Variants in PLS3 observed in about 807,000 individuals in gnomAD.
The protein encoded by PLS3 is plastin-3.
In PLS3, 11 loss-of-function variants were observed where a neutral mutation model predicts 46.5. The ratio of observed to expected loss-of-function variants is 0.24; its 90% confidence interval spans 0.15 to 0.39. The LOEUF is 0.39. PLS3 is among the 10% of genes least tolerant of loss of function. PLS3 has a pLI of 1.00. For missense variants in PLS3, 308 were observed against 461.8 expected, an observed-to-expected ratio of 0.67 and a Z score of 3.05; for synonymous variants, 167 against 162.2, an observed-to-expected ratio of 1.03 and a Z score of -0.22.
Position 115,610,305 on chromosome X carries a change from G to C in PLS3, c.55G>C (p.Glu19Gln), listed in dbSNP as rs1556635945. The C allele has an allele frequency of 4.4e-6, 5 of 1,144,867 alleles. No individual in the cohort carries two copies. The East Asian group carries it at 1.5e-4, about 35-fold the overall frequency. 94.3% of individuals were successfully genotyped at this position (1,144,867 alleles called of 1,213,427 possible). ...ISKDELDELK[E>Q]AFAKVDLNSN... is the part of the protein sequence containing the mutation. The stretch of plus-strand genomic sequence containing the variant: ...CAAAGATGAGCTTGATGAACTCAAA[G>C]AGGCCTTTGCAAAAGTTGGTGAGTA... Residue 19 changes from glutamate (E) to glutamine (Q), a missense_variant, in exon 2 of 16, where the codon GAG becomes CAG. By Grantham distance (29) the Glu-to-Gln change is conservative. Around this residue, in one of 2 missense-constraint regions of PLS3, gnomAD observed 37 missense variants for 26.1 expected, o/e 1.42. Transcript: ENST00000355899.
At chrX:115,620,236 G>A (rs2074635412) in intron 2 of PLS3, among the ~76,000 whole-genome samples, 1 of 110,175 alleles carries the variant, frequency 9.1e-6, no homozygotes, top group Non-Finnish European at 1.9e-5. Context: ...TTTCCCCCTT[G>A]TTCACTCTAC....
At chrX:115,619,850 G>A (rs960914054) in intron 2 of PLS3, among the ~76,000 whole-genome samples, 1 of 112,059 alleles carries the variant, frequency 8.9e-6, no homozygotes, top group Non-Finnish European at 1.9e-5. Flanking sequence ...GCTTGGGCAA[G>A]AGAGACCCTG....
At chrX:115,628,485 C>T (rs1434328197) in intron 3 of PLS3, among the ~76,000 whole-genome samples, 1 of 111,843 alleles carries the variant, frequency 8.9e-6, no homozygotes, top group Non-Finnish European at 1.9e-5. Flanking sequence ...TAGGTACATT[C>T]CAATACCTCA....
intron 2 of PLS3, among the ~76,000 whole-genome samples, chrX:115,612,090 A>AG (rs1322792893): frequency 9.0e-6 from 1 of 111,459 alleles, no homozygotes; most frequent in Non-Finnish European, 1.9e-5. Flanking sequence ...TATCTAGCAT[A>AG]GTGTTGCACA....
chrX:115,586,074 C>A (rs2074306108), intron 1 of PLS3, among the ~76,000 whole-genome samples: 1 of 107,769 alleles, frequency 9.3e-6, no homozygotes, highest in African/African-American at 3.4e-5. Flanking sequence ...GCAACCTCCG[C>A]CTCCCGGGTT....
At chrX:115,619,084 A>G (rs2074624448) in intron 2 of PLS3, among the ~76,000 whole-genome samples, 1 of 112,082 alleles carries the variant, frequency 8.9e-6, no homozygotes, top group African/African-American at 3.2e-5. Flanking sequence ...TTACTATTCT[A>G]TCTCCAGGTT....
intron 9 of PLS3, among the ~76,000 whole-genome samples, chrX:115,642,030 T>C (rs2074902456): frequency 9.8e-6 from 1 of 102,251 alleles, no homozygotes; most frequent in African/African-American, 3.7e-5. Context: ...TTACACCTTC[T>C]TTAGGGTCTT....
At chrX:115,600,587 T>A (rs2074433380) in intron 1 of PLS3, among the ~76,000 whole-genome samples, 2 of 112,385 alleles carry the variant, frequency 1.8e-5, no homozygotes, top group African/African-American at 6.5e-5. Context: ...GAAAGAAGGA[T>A]TTTCTTTTAT....
At chrX:115,570,109 G>A (rs928058614) in intron 1 of PLS3, among the ~76,000 whole-genome samples, 5 of 110,354 alleles carry the variant, frequency 4.5e-5, no homozygotes, top group East Asian at 2.9e-4. Flanking sequence ...GCTAATTTTT[G>A]TATTTTTAGT....
At chrX:115,573,368 G>A (rs1399682977) in intron 1 of PLS3, among the ~76,000 whole-genome samples, 1 of 112,150 alleles carries the variant, frequency 8.9e-6, no homozygotes, top group African/African-American at 3.2e-5. Context: ...ATGAAGGTCA[G>A]CAGACACCAG....
chrX:115,598,598 T>A (rs1452781694), intron 1 of PLS3, among the ~76,000 whole-genome samples: 1 of 112,358 alleles, frequency 8.9e-6, no homozygotes, highest in African/African-American at 3.2e-5. Flanking sequence ...AAGCCACTTG[T>A]TCTTGAGAAA....
intron 1 of PLS3, among the ~76,000 whole-genome samples, chrX:115,589,013 G>A (rs182677170): frequency 1.8e-5 from 2 of 111,448 alleles, no homozygotes; most frequent in Non-Finnish European, 3.8e-5. Context: ...TTTCTTCTGC[G>A]ACAGTCTTGC....
At chrX:115,616,503 T>C (rs2074600239) in intron 2 of PLS3, among the ~76,000 whole-genome samples, 1 of 112,139 alleles carries the variant, frequency 8.9e-6, no homozygotes, top group Non-Finnish European at 1.9e-5. Flanking sequence ...TTATGTTTAT[T>C]TTTTAAAATT....
chrX:115,636,269 C>G (rs960727828), intron 7 of PLS3, among the ~76,000 whole-genome samples: 1 of 95,336 alleles, frequency 1.0e-5, no homozygotes, highest in South Asian at 5.8e-4. Flanking sequence ...TGCAGTGGTG[C>G]GATCTTAGCT....
intron 9 of PLS3, among the ~76,000 whole-genome samples, chrX:115,642,793 T>C (rs1473614921): frequency 8.9e-6 from 1 of 111,929 alleles, no homozygotes; most frequent in Non-Finnish European, 1.9e-5. Flanking sequence ...GAGACTTAAG[T>C]AGGACTACAG....
At chrX:115,642,274 C>T (rs1036252708) in intron 9 of PLS3, among the ~76,000 whole-genome samples, 7 of 110,681 alleles carry the variant, frequency 6.3e-5, no homozygotes, top group African/African-American at 9.9e-5. Context: ...CCCTTCCTTT[C>T]GTCCTAACTT....
At chrX:115,607,433 A>G (rs782655612) in intron 1 of PLS3, among the ~76,000 whole-genome samples, 1 of 111,503 alleles carries the variant, frequency 9.0e-6, no homozygotes, top group Non-Finnish European at 1.9e-5. Context: ...GATATCATAC[A>G]TAAGAAAAGT....
At chrX:115,645,716 A>G (rs782785369) in intron 11 of PLS3, among the ~76,000 whole-genome samples, 9 of 111,076 alleles carry the variant, frequency 8.1e-5, no homozygotes, top group African/African-American at 2.6e-4. Flanking sequence ...TAGCACTTAC[A>G]TACACCCCTA....
chrX:115,592,975 G>T (rs1432092343), intron 1 of PLS3, among the ~76,000 whole-genome samples: 3 of 111,570 alleles, frequency 2.7e-5, no homozygotes, highest in Non-Finnish European at 3.8e-5. Context: ...CTTAGTTCCT[G>T]TGTGCTATGC....
Sources: allele counts gnomAD v4.1 joint callset (sites outside exome capture counted in the v4.1 genomes callset), GRCh38; gene constraint gnomAD v4.1.1; regional missense constraint gnomAD v4.1.1; transcripts MANE v1.5; gene names NCBI Gene and HGNC (gene_info 2026-07-23, HGNC 2026-07-21).